DYM: variants seen among roughly 807,000 people sequenced by gnomAD.
The protein encoded by DYM is dyggve-Melchior-Clausen syndrome protein.
A neutral mutation model predicts 93.1 loss-of-function variants in DYM; 78 were observed. The observed-to-expected ratio is 0.84, with a 90% confidence interval of 0.70 to 1.01. The LOEUF (loss-of-function observed/expected upper bound fraction) is 1.01, where lower values mean the gene tolerates loss of function less well. DYM is among the 50% of genes least tolerant of loss of function. The pLI is 0.00. For synonymous variants in DYM, 321 were observed against 319.7 expected, an observed-to-expected ratio of 1.00 and a Z score of -0.04; for missense variants, 789 against 845.0, an observed-to-expected ratio of 0.93 and a Z score of 0.82.
chr18:49,387,727 G>A (rs1035514736), intron 3 of DYM, among the ~76,000 whole-genome samples: 2 of 152,020 alleles, frequency 1.3e-5, no homozygotes, highest in African/African-American at 4.8e-5. Flanking sequence ...ATAGTATAAT[G>A]TAAACATAAC....
rs920188142 is a variant in DYM, at chr18:49,135,213, A to C, written c.1729-16287T>G. ...TATTTCCACTTGGAAATAATACTGCAAATACAATTGAAGAATGCTGAACTT... is the reference window on the plus strand; with the variant it reads ...TATTTCCACTTGGAAATAATACTGCCAATACAATTGAAGAATGCTGAACTT... On this transcript the variant is annotated intron_variant, in intron 15 of 17. Coordinates refer to ENST00000675505, the MANE Select transcript of DYM (RefSeq NM_001353214.3). 2.6e-5 allele frequency among the ~76,000 whole-genome samples: 4 copies of C among 152,226 alleles called. No homozygotes were observed. In the East Asian group the frequency reaches 7.7e-4, roughly 29 times the overall value.
intron 17 of DYM, among the ~76,000 whole-genome samples, chr18:49,051,658 A>T (rs1428319099): frequency 6.6e-6 from 1 of 152,208 alleles, no homozygotes; most frequent in Non-Finnish European, 1.5e-5. Context: ...AGACATTTTT[A>T]AAGGCTAAGG....
chr18:49,371,664 A>C (rs1599738942), intron 5 of DYM, among the ~76,000 whole-genome samples: 1 of 152,364 alleles, frequency 6.6e-6, no homozygotes, highest in South Asian at 2.1e-4. Flanking sequence ...CAGAGGAAAG[A>C]AAAACTCACA....
chr18:49,286,366 A>G, intron 9 of DYM, 68 bp downstream of exon 9: 1 of 1,558,264 alleles, frequency 6.4e-7, no homozygotes, highest in Non-Finnish European at 8.9e-7. Flanking sequence ...ACTATAAGAC[A>G]ATAAACAATA....
At chr18:49,384,080 T>C (rs1379333628) in intron 3 of DYM, among the ~76,000 whole-genome samples, 2 of 151,926 alleles carry the variant, frequency 1.3e-5, no homozygotes, top group Non-Finnish European at 2.9e-5. Flanking sequence ...TCCCAGCACT[T>C]TCAGAGGCCA....
intron 15 of DYM, among the ~76,000 whole-genome samples, chr18:49,153,986 C>G (rs60898836): frequency 0.099 from 15,106 of 152,228 alleles, 1,028 homozygotes; most frequent in East Asian, 0.31. Flanking sequence ...GTAAACCTCA[C>G]CAGTAATACA....
chr18:49,403,641 A>G (rs1423038027), intron 2 of DYM, among the ~76,000 whole-genome samples: 1 of 152,126 alleles, frequency 6.6e-6, no homozygotes, highest in East Asian at 1.9e-4. Flanking sequence ...GGTTTGTTAC[A>G]TGGGTATATT....
chr18:49,367,521 T>A (rs912966588), intron 5 of DYM, among the ~76,000 whole-genome samples: 3 of 152,188 alleles, frequency 2.0e-5, no homozygotes, highest in African/African-American at 7.2e-5. Flanking sequence ...AGTACAATAC[T>A]GTCCTAATCA....
intron 13 of DYM, among the ~76,000 whole-genome samples, chr18:49,237,597 A>G (rs1436801663): frequency 6.6e-6 from 1 of 152,214 alleles, no homozygotes; most frequent in Non-Finnish European, 1.5e-5. Context: ...TTCTAAAAAT[A>G]TTTATGTGCC....
chr18:49,095,698 C>T (rs879400726), intron 17 of DYM, among the ~76,000 whole-genome samples: 17 of 152,040 alleles, frequency 1.1e-4, no homozygotes, highest in Non-Finnish European at 1.5e-4. Flanking sequence ...TTCTGAAAAA[C>T]GAAAAGAGTT....
At chr18:49,187,671 T>C (rs936169914) in intron 14 of DYM, among the ~76,000 whole-genome samples, 2 of 152,172 alleles carry the variant, frequency 1.3e-5, no homozygotes, top group Admixed American at 6.5e-5. Flanking sequence ...TCTCCCCAAA[T>C]ATTTGAGTAA....
intron 15 of DYM, among the ~76,000 whole-genome samples, chr18:49,124,090 A>G (rs1017449343): frequency 7.9e-5 from 12 of 152,220 alleles, no homozygotes; most frequent in African/African-American, 2.4e-4. Flanking sequence ...CAATGTTTAA[A>G]TAAGTAATTT....
chr18:49,254,540 T>C (rs1291050698), intron 13 of DYM, among the ~76,000 whole-genome samples: 3 of 152,084 alleles, frequency 2.0e-5, no homozygotes, highest in Admixed American at 6.5e-5. Flanking sequence ...ATCTAAACTA[T>C]GTTTCTTATT....
chr18:49,207,574 C>T (rs2092579637), intron 14 of DYM, among the ~76,000 whole-genome samples: 1 of 152,144 alleles, frequency 6.6e-6, no homozygotes, highest in Non-Finnish European at 1.5e-5. Flanking sequence ...ATGAATAGGA[C>T]TCACCCAATC....
intron 14 of DYM, among the ~76,000 whole-genome samples, chr18:49,194,743 C>A (rs949201485): frequency 6.6e-6 from 1 of 151,134 alleles, no homozygotes; most frequent in African/African-American, 2.4e-5. Flanking sequence ...ATAAGTAACA[C>A]AAAAAAATAT....
rs202000267 is a variant in DYM at position 49,267,280 on chromosome 18, AC to A, written c.1251+4897del. 3.7e-3 allele frequency among the ~76,000 whole-genome samples: 562 copies of A among 152,258 alleles called. 10 individuals carry two copies. Among genetic ancestry groups the A allele is most frequent in the African/African-American group, 0.013 (534 of 41,568 alleles). ...AGATTCTTTACCTTAAAAGAAATGT[AC>A]AAATTCCTCAGAAAACACAAAGTTC... is the stretch of plus-strand genomic sequence containing the variant. On this transcript the variant is annotated intron_variant, in intron 11 of 17. Transcript: ENST00000675505.
chr18:49,213,834 C>G (rs569699132), intron 13 of DYM, among the ~76,000 whole-genome samples: 1 of 151,754 alleles, frequency 6.6e-6, no homozygotes, highest in Admixed American at 6.6e-5. Context: ...ATGTTTATGG[C>G]CTATATAAAG....
At chr18:49,429,720 G>A (rs1346509015) in intron 2 of DYM, among the ~76,000 whole-genome samples, 1 of 152,094 alleles carries the variant, frequency 6.6e-6, no homozygotes, top group Non-Finnish European at 1.5e-5. Context: ...TTATACTAAA[G>A]ATATATTGTG....
chr18:49,168,771 CA>C (rs1279157354), intron 14 of DYM, among the ~76,000 whole-genome samples: 2 of 151,974 alleles, frequency 1.3e-5, no homozygotes, highest in African/African-American at 4.8e-5. Flanking sequence ...TGTGGGAGAA[CA>C]GGGGGAAGAT....
Sources: gnomAD v4.1 joint callset for allele counts (sites outside exome capture counted in the v4.1 genomes callset) on GRCh38, gnomAD v4.1.1 for gene constraint, MANE v1.5 for transcripts, NCBI Gene and HGNC (gene_info 2026-07-23, HGNC 2026-07-21) for gene names.